MAMDC4: variants seen among roughly 807,000 people sequenced by gnomAD.
The protein encoded by MAMDC4 is MAM domain containing 4, also known as apical endosomal glycoprotein.
A neutral mutation model predicts 153.3 loss-of-function variants in MAMDC4; 168 were observed. The ratio of observed to expected loss-of-function variants is 1.10; its 90% CI spans 0.97 to 1.25. The LOEUF (loss-of-function observed/expected upper bound fraction) is 1.25, where lower values mean the gene tolerates loss of function less well. Among genes scored for constraint, MAMDC4 ranks in the 50% most tolerant of loss-of-function variants. The probability of loss-of-function intolerance (pLI) is 0.00; values close to 1 mark genes in which losing one functional copy is unlikely to be tolerated. For missense variants in MAMDC4, 1,701 were observed against 1,542.8 expected (o/e 1.10, Z -1.72); for synonymous variants, 744 against 651.5 (o/e 1.14, Z -2.16).
rs116141749 is a variant in MAMDC4 at position 136,854,486 on chromosome 9, C to T, written c.797-53C>T. 1.7e-3 allele frequency: 2,653 copies of T among 1,561,580 alleles called. 27 individuals carry two copies. The African/African-American group carries it at 0.023, about 13-fold the overall frequency. Reference sequence around the variant, plus strand: ...GGGCCCCCCTGGAGCTGGGGCCATACGGCTTCAGGAAGCACTGCCTGGTGG... The same window carrying T: ...GGGCCCCCCTGGAGCTGGGGCCATATGGCTTCAGGAAGCACTGCCTGGTGG... On this transcript the variant is annotated intron_variant, in intron 7 of 26. Transcript: ENST00000317446.
At chr9:136,858,151 G>A (rs1324323491) in intron 20 of MAMDC4, 35 bp from the exon 21 acceptor site, 1 of 1,546,028 alleles carries the variant, frequency 6.5e-7, no homozygotes, top group Admixed American at 1.9e-5. Context: ...GGGCTGCCTG[G>A]ACCCGCTGAG....
rs1424193021 is a variant in MAMDC4 at position 136,853,898 on chromosome 9, T to C, written c.576T>C (p.Gly192=). 7 of 1,612,426 alleles carry C rather than the reference T, an allele frequency of 4.3e-6. No individual in the cohort carries two copies. The highest frequency in any genetic ancestry group is 5.9e-6 in the Non-Finnish European group (7 of 1,179,732). Residue 192 remains glycine (G), a synonymous_variant, in exon 5 of 27, where the codon GGT becomes GGC. Coordinates refer to ENST00000317446, the MANE Select transcript of MAMDC4 (RefSeq NM_206920.3). ...ELAVTTGRIR[G]DFRVTFSATR... is the part of the protein sequence containing the mutation. ...CAGTGACCACAGGCCGCATCCGGGG[T>C]GACTTCCGAGTGAGCTGGGAGGGTC...
chr9:136,859,425 G>A, intron 25 of MAMDC4, 108 bp downstream of exon 25: 2 of 1,001,646 alleles, frequency 2.0e-6, no homozygotes, highest in Non-Finnish European at 2.9e-6. Context: ...CGAGCATGCT[G>A]CACCCAGACA....
rs376393441 is a variant in MAMDC4 at position 136,855,011 on chromosome 9, C to T, written c.1098C>T (p.Gly366=). ...LQLFLQTLGP[G]APRAPVLLRR... is the part of the protein sequence containing the mutation. Reference sequence around the variant, plus strand: ...TGTTCCTGCAGACTCTGGGGCCCGGCGCCCCCCGGGCCCCCGTCCTGCTGC... The same window carrying T: ...TGTTCCTGCAGACTCTGGGGCCCGGTGCCCCCCGGGCCCCCGTCCTGCTGC... Residue 366 remains glycine (G), a synonymous_variant, in exon 10 of 27, where the codon GGC becomes GGT. Transcript: ENST00000317446. The T allele has an allele frequency of 6.4e-4, 1,030 of 1,599,672 alleles. 2 individuals carry two copies. Among genetic ancestry groups the T allele is most frequent in the South Asian group, 1.1e-3 (97 of 89,902 alleles).
chr9:136,858,483 G>A lies in MAMDC4; in HGVS notation c.2758G>A (p.Gly920Arg), dbSNP rs765921567. ...GGGCGGATACAGCTGGGACTGGGGC[G>A]GGGGAGCCACCCCCTCTCGTTACCC... is the stretch of plus-strand genomic sequence containing the variant. ...GLGGYSWDWGGGATPSRYPQP... is the reference protein window; with the variant it reads ...GLGGYSWDWGRGATPSRYPQP... Residue 920 changes from glycine to arginine, a missense_variant, in exon 22 of 27, where the codon GGG becomes AGG. By Grantham distance (125) the Gly-to-Arg change is moderately radical. Coordinates refer to ENST00000317446, the MANE Select transcript of MAMDC4 (RefSeq NM_206920.3). The A allele has an allele frequency of 2.4e-5, 38 of 1,608,078 alleles. No individual in the cohort carries two copies. The highest frequency in any genetic ancestry group is 1.7e-4 in the South Asian group (15 of 90,866).
Position 136,855,469 on chromosome 9 carries a change from G to GCCCCAGCC in MAMDC4, c.1332_1339dup (p.Leu447ProfsTer99), listed in dbSNP as rs1200633863. The stretch of plus-strand genomic sequence containing the variant: ...GCAGCCGCTGCCTCCTGGGCCCCGG[G>GCCCCAGCC]CCCCAGCCCCCCAGCCCCTGCCGCC... On this transcript the variant is annotated frameshift_variant, in exon 12 of 27. Coordinates refer to ENST00000317446, the MANE Select transcript of MAMDC4 (RefSeq NM_206920.3). LOFTEE classifies it high-confidence loss of function. 1.2e-5 allele frequency: 19 copies of GCCCCAGCC among 1,607,352 alleles called. No individual in the cohort carries two copies. The highest frequency in any genetic ancestry group is 1.7e-5 in the Admixed American group (1 of 59,600).
Position 136,852,351 on chromosome 9 carries a change from A to G in MAMDC4, c.-66A>G. ...CAGAGTCAGCGTGCGGGGCCAGCGC[A>G]GGCTGATAACCGCACGGAACTTCCC... On this transcript the variant is annotated 5_prime_UTR_variant, in exon 1 of 27. Transcript: ENST00000317446. 1 of 1,582,090 alleles carries G rather than the reference A, an allele frequency of 6.3e-7. No individual in the cohort carries two copies. The highest frequency in any genetic ancestry group is 8.6e-7 in the Non-Finnish European group (1 of 1,161,440).
rs1188788045 is a variant in MAMDC4 at position 136,858,126 on chromosome 9, C to G, written c.2583+29C>G. On this transcript the variant is annotated intron_variant, in intron 20 of 26. Transcript: ENST00000317446. ...AGTGCAGGGTGGGGTGCCCCTCCCCCTCCCCCTCCCCCGAGGGCTGCCTGG... is the reference window on the plus strand; with the variant it reads ...AGTGCAGGGTGGGGTGCCCCTCCCCGTCCCCCTCCCCCGAGGGCTGCCTGG... 2.6e-6 allele frequency: 4 copies of G among 1,532,316 alleles called. No homozygotes were observed. In the East Asian group the frequency reaches 7.4e-5, roughly 28 times the overall value. The allele number at this position is 1,532,316 out of a possible 1,614,324, so 94.9% of individuals were successfully genotyped here. A position where few individuals can be genotyped will look rare whatever the true frequency, so the allele number is the denominator to read the frequency against.
At position 136,855,240 on chromosome 9, in the gene MAMDC4, C is replaced by T. The variant is rs1212512339; in HGVS notation, c.1198-14C>T. The T allele has an allele frequency of 1.3e-6, 2 of 1,582,030 alleles. No individual in the cohort carries two copies. Among genetic ancestry groups the T allele is most frequent in the Non-Finnish European group, 1.7e-6 (2 of 1,164,890 alleles). ...GAAATAGGCTGGGCACCCCCTGAGC[C>T]CCTCTGCCCTCAGATCCTCCTGGCC... On this transcript the variant is annotated splice_polypyrimidine_tract_variant and intron_variant, in intron 10 of 26. Transcript: ENST00000317446.
Position 136,857,976 on chromosome 9 carries a change from C to G in MAMDC4, c.2465-3C>G, listed in dbSNP as rs776618807. On this transcript the variant is annotated splice_polypyrimidine_tract_variant and splice_region_variant and intron_variant, in intron 19 of 26. Transcript: ENST00000317446. ...TGCTGACCTGGGCCGCCCCTGCTGG[C>G]AGGCACCCTGCGGGTCTACCTGGAG... is the stretch of plus-strand genomic sequence containing the variant. The G allele has an allele frequency of 6.6e-7, 1 of 1,504,894 alleles. No homozygotes were observed. The highest frequency in any genetic ancestry group is 1.2e-5 in the South Asian group (1 of 81,160). The allele number at this position is 1,504,894 out of a possible 1,614,324, so 93.2% of individuals were successfully genotyped here. A position where few individuals can be genotyped will look rare whatever the true frequency, so the allele number is the denominator to read the frequency against.
At position 136,857,060 on chromosome 9, in the gene MAMDC4, AGGGCAGAGCCTGTG is replaced by A. The variant is rs1173372411; in HGVS notation, c.1972+23_1972+36del. The A allele has an allele frequency of 7.5e-6, 12 of 1,607,086 alleles. No homozygotes were observed. Among genetic ancestry groups the A allele is most frequent in the Non-Finnish European group, 9.4e-6 (11 of 1,176,240 alleles). ...CAGATTGGTGAGTGGACCTGGAAAC[AGGGCAGAGCCTGTG>A]GGGAGGCCCCCGGGGGTTCAGAGTC... On this transcript the variant is annotated intron_variant, in intron 16 of 26. Transcript: ENST00000317446.
At position 136,857,411 on chromosome 9, in the gene MAMDC4, G is replaced by A. The variant is rs369314434; in HGVS notation, c.2151G>A (p.Ala717=). ...GGGACGGATACCACGGCACCATGGCGCTGGACGATGTGGCCGTGCGGCCGG... is the reference window on the plus strand; with the variant it reads ...GGGACGGATACCACGGCACCATGGCACTGGACGATGTGGCCGTGCGGCCGG... The part of the protein sequence containing the change: ...GLRDGYHGTM[A]LDDVAVRPGP... Residue 717 remains alanine, a synonymous_variant, in exon 18 of 27, where the codon GCG becomes GCA. Transcript: ENST00000317446. The A allele has an allele frequency of 1.4e-5, 23 of 1,608,060 alleles. 1 individual carries two copies. The highest frequency in any genetic ancestry group is 1.6e-4 in the Middle Eastern group (1 of 6,084).
In MAMDC4 at chr9:136,858,283, G is replaced by T. The variant is rs778929633; in HGVS notation, c.2674+7G>T. On this transcript the variant is annotated splice_region_variant and intron_variant, in intron 21 of 26. Coordinates refer to ENST00000317446, the MANE Select transcript of MAMDC4 (RefSeq NM_206920.3). ...GGGCCCTGCCCTCAGCCAGGTGGGA[G>T]CCCTGCCGTGGCCTCGGCCCTGCTC... 1.2e-6 allele frequency: 2 copies of T among 1,601,190 alleles called. No homozygotes were observed. Among genetic ancestry groups the T allele is most frequent in the East Asian group, 4.5e-5 (2 of 44,796 alleles).
intron 14 of MAMDC4, 38 bp downstream of exon 14, chr9:136,856,187 G>A (rs369663159): frequency 4.3e-6 from 7 of 1,611,446 alleles, no homozygotes; most frequent in African/African-American, 1.3e-5. Context: ...GCCAGCCCCT[G>A]GGTGCTCCCT....
rs1171698811 is a variant in MAMDC4 at position 136,857,512 on chromosome 9, G to A, written c.2252G>A (p.Trp751Ter). The A allele has an allele frequency of 1.2e-6, 2 of 1,610,434 alleles. No homozygotes were observed. Among genetic ancestry groups the A allele is most frequent in the Admixed American group, 1.7e-5 (1 of 60,012 alleles). Residue 751 changes from tryptophan to a stop codon, truncating the protein, a stop_gained, in exon 18 of 27, where the codon TGG becomes TAG. Coordinates refer to ENST00000317446, the MANE Select transcript of MAMDC4 (RefSeq NM_206920.3). LOFTEE classifies it high-confidence loss of function. ...CGFSPGGQGL[W>*]RRQANASGHA... ...TTCTCCCCTGGAGGCCAAGGTCTCT[G>A]GAGGCGGCAGGCCAATGCCTCGGGC...
Position 136,854,813 on chromosome 9 carries a change from G to A in MAMDC4, c.986G>A (p.Ser329Asn). 6.2e-7 allele frequency: 1 copy of A among 1,612,834 alleles called. No homozygotes were observed. The highest frequency in any genetic ancestry group is 8.5e-7 in the Non-Finnish European group (1 of 1,179,870). Residue 329 changes from serine (S) to asparagine (N), a missense_variant, in exon 9 of 27, where the codon AGC becomes AAC. Physicochemically the swap from Ser to Asn is conservative, Grantham distance 46. Coordinates refer to ENST00000317446, the MANE Select transcript of MAMDC4 (RefSeq NM_206920.3). ...AEPGTPAILS[S>N]PEFQASGTSN... The stretch of plus-strand genomic sequence containing the variant: ...CCTGGCACCCCTGCTATACTCTCCA[G>A]CCCCGAATTCCAAGCCTCAGGCACC...
intron 14 of MAMDC4, 105 bp from the exon 15 acceptor site, chr9:136,856,605 G>C (rs1240167109): frequency 9.4e-7 from 1 of 1,064,476 alleles, no homozygotes; most frequent in African/African-American, 1.6e-5. Context: ...ACTCCCACCT[G>C]GGTGCTCCCC....
Position 136,859,200 on chromosome 9 carries a change from C to T in MAMDC4, c.3085-9C>T. ...AGGGCCCACACAAACTCCTTTCCTTCTCCATCAGATCGTGTTTGAAGCCAC... is the reference window on the plus strand; with the variant it reads ...AGGGCCCACACAAACTCCTTTCCTTTTCCATCAGATCGTGTTTGAAGCCAC... On this transcript the variant is annotated splice_polypyrimidine_tract_variant and intron_variant, in intron 24 of 26. Coordinates refer to ENST00000317446, the MANE Select transcript of MAMDC4 (RefSeq NM_206920.3). The T allele has an allele frequency of 6.2e-7, 1 of 1,608,748 alleles. No individual in the cohort carries two copies. Among genetic ancestry groups the T allele is most frequent in the Non-Finnish European group, 8.5e-7 (1 of 1,177,588 alleles).
In MAMDC4 at chr9:136,855,937, G is replaced by C. The variant is rs191177696; in HGVS notation, c.1589-81G>C. ...TCTGCTCTGCCTCTGCACTACAGAG[G>C]GTCTCTGGACTGGGGATCCCTGAGG... is the stretch of plus-strand genomic sequence containing the variant. On this transcript the variant is annotated intron_variant, in intron 13 of 26. Coordinates refer to ENST00000317446, the MANE Select transcript of MAMDC4 (RefSeq NM_206920.3). 12 of 1,543,114 alleles carry C rather than the reference G, an allele frequency of 7.8e-6. No individual in the cohort carries two copies. The East Asian group carries it at 2.5e-4, about 32-fold the overall frequency.
Sources: allele counts gnomAD v4.1 joint callset, GRCh38; gene constraint gnomAD v4.1.1; transcripts MANE v1.5; gene names NCBI Gene and HGNC (gene_info 2026-07-23, HGNC 2026-07-21).